MYRIP: variants seen among roughly 807,000 people sequenced by gnomAD.
MYRIP encodes myosin VIIA and Rab interacting protein.
MYRIP carries 49 observed loss-of-function variants against 98.0 expected under a neutral mutation model. That is an observed-to-expected ratio of 0.50 (90% CI 0.40 to 0.63). The LOEUF is 0.63. MYRIP is among the 30% of genes least tolerant of loss of function. MYRIP has a pLI of 0.00. For synonymous variants in MYRIP, 404 were observed against 409.5 expected (o/e 0.99, Z 0.16); for missense variants, 1,004 against 1,058.2 (o/e 0.95, Z 0.71).
chr3:40,045,108 A>G (rs1947643353), intron 3 of MYRIP, among the ~76,000 whole-genome samples: 1 of 151,976 alleles, frequency 6.6e-6, no homozygotes, highest in African/African-American at 2.4e-5. Context: ...GGGAGCACAC[A>G]CTCAGAAGCC....
At chr3:39,816,848 T>C (rs1490037935) in intron 1 of MYRIP, among the ~76,000 whole-genome samples, 2 of 152,252 alleles carry the variant, frequency 1.3e-5, no homozygotes, top group African/African-American at 4.8e-5. Flanking sequence ...GGTCATTTGA[T>C]ATTGTATACA....
At chr3:39,904,066 T>C (rs1387182276) in intron 2 of MYRIP, among the ~76,000 whole-genome samples, 7 of 152,244 alleles carry the variant, frequency 4.6e-5, no homozygotes, top group Non-Finnish European at 8.8e-5. Context: ...GTGTCTCTGA[T>C]AATATTTTAC....
At chr3:40,133,920 T>A (rs1182466662) in intron 3 of MYRIP, among the ~76,000 whole-genome samples, 1 of 151,950 alleles carries the variant, frequency 6.6e-6, no homozygotes, top group East Asian at 1.9e-4. Flanking sequence ...GATGGCCGAG[T>A]AGGAACAGTT....
At chr3:40,161,804 C>T (rs1036585314) in intron 4 of MYRIP, among the ~76,000 whole-genome samples, 2 of 152,120 alleles carry the variant, frequency 1.3e-5, no homozygotes, top group Non-Finnish European at 2.9e-5. Flanking sequence ...CCAAGCTATT[C>T]TCTACGCAGT....
intron 3 of MYRIP, among the ~76,000 whole-genome samples, chr3:40,114,013 C>T (rs768402105): frequency 5.3e-5 from 8 of 152,064 alleles, no homozygotes; most frequent in South Asian, 2.1e-4. Context: ...ATAATCTTAG[C>T]GTGGAGGCAG....
intron 2 of MYRIP, among the ~76,000 whole-genome samples, chr3:40,005,545 A>G (rs72870101): frequency 2.6e-5 from 4 of 152,374 alleles, no homozygotes; most frequent in African/African-American, 9.6e-5. Context: ...AATACAGATG[A>G]AAGTATTGAA....
intron 1 of MYRIP, chr3:39,810,537 A>G (rs1045646311): frequency 6.6e-6 from 1 of 152,262 alleles, no homozygotes; most frequent in South Asian, 2.1e-4. Context: ...CAGCCGCCAG[A>G]CTTGAAGAGG....
intron 2 of MYRIP, among the ~76,000 whole-genome samples, chr3:39,931,971 G>A (rs1944548197): frequency 6.6e-6 from 1 of 152,054 alleles, no homozygotes; most frequent in Admixed American, 6.6e-5. Flanking sequence ...TACTTTTCTT[G>A]TGATATCTTT....
chr3:40,062,398 A>T (rs1485530161), intron 3 of MYRIP, among the ~76,000 whole-genome samples: 3 of 152,146 alleles, frequency 2.0e-5, no homozygotes, highest in African/African-American at 7.2e-5. Context: ...TGAAGATCAG[A>T]TGGTCATAGG....
chr3:40,059,109 A>G (rs1235561855), intron 3 of MYRIP, among the ~76,000 whole-genome samples: 3 of 152,198 alleles, frequency 2.0e-5, no homozygotes, highest in African/African-American at 7.2e-5. Context: ...AAAGGACATG[A>G]ACTCATCCTT....
chr3:39,895,126 G>A (rs934712219), intron 1 of MYRIP, among the ~76,000 whole-genome samples: 1 of 151,444 alleles, frequency 6.6e-6, no homozygotes, highest in Non-Finnish European at 1.5e-5. Context: ...ATTTTATGAG[G>A]GTGCTTAATA....
At chr3:40,108,435 A>G (rs1949096612) in intron 3 of MYRIP, among the ~76,000 whole-genome samples, 1 of 152,160 alleles carries the variant, frequency 6.6e-6, no homozygotes, top group African/African-American at 2.4e-5. Context: ...CACTTCTTGT[A>G]TTGTGCAAGT....
intron 10 of MYRIP, among the ~76,000 whole-genome samples, chr3:40,205,643 C>T (rs1272560971): frequency 6.6e-6 from 1 of 152,068 alleles, no homozygotes; most frequent in Non-Finnish European, 1.5e-5. Flanking sequence ...TTCTTTCCCA[C>T]CGCCTCCCAC....
At chr3:39,989,254 T>A (rs975807809) in intron 2 of MYRIP, among the ~76,000 whole-genome samples, 11 of 152,318 alleles carry the variant, frequency 7.2e-5, no homozygotes, top group Non-Finnish European at 1.3e-4. Flanking sequence ...TGTTGCTTTC[T>A]GTTTGTTTTT....
chr3:39,893,854 A>T (rs1207854437), intron 1 of MYRIP, among the ~76,000 whole-genome samples: 4 of 152,196 alleles, frequency 2.6e-5, no homozygotes, highest in Admixed American at 2.6e-4. Context: ...ATTCTATCTT[A>T]GAGCTATATA....
At chr3:39,914,737 T>C (rs1410005271) in intron 2 of MYRIP, among the ~76,000 whole-genome samples, 2 of 152,114 alleles carry the variant, frequency 1.3e-5, no homozygotes, top group Non-Finnish European at 2.9e-5. Flanking sequence ...CCTGCTACAT[T>C]TCAGTCATCA....
At chr3:39,877,199 C>G (rs1943023884) in intron 1 of MYRIP, among the ~76,000 whole-genome samples, 1 of 152,334 alleles carries the variant, frequency 6.6e-6, no homozygotes, top group Non-Finnish European at 1.5e-5. Flanking sequence ...CCACCAGCTC[C>G]TTTAAGCACT....
At chr3:40,193,321 A>C (rs1951295659) in intron 10 of MYRIP, among the ~76,000 whole-genome samples, 1 of 152,162 alleles carries the variant, frequency 6.6e-6, no homozygotes, top group Non-Finnish European at 1.5e-5. Flanking sequence ...TTCACCTTGC[A>C]CCATGTCCAG....
intron 2 of MYRIP, among the ~76,000 whole-genome samples, chr3:39,917,322 A>G (rs1445410641): frequency 3.3e-5 from 5 of 151,104 alleles, no homozygotes; most frequent in African/African-American, 9.8e-5. Flanking sequence ...AACTTATCCA[A>G]TTATTCATTG....
Sources: gnomAD v4.1 joint callset for allele counts (sites outside exome capture counted in the v4.1 genomes callset) on GRCh38, gnomAD v4.1.1 for gene constraint, MANE v1.5 for transcripts, NCBI Gene and HGNC (gene_info 2026-07-23, HGNC 2026-07-21) for gene names.